GSE1: variants seen among roughly 807,000 people sequenced by gnomAD.
The protein encoded by GSE1 is Gse1 coiled-coil protein, also known as genetic suppressor element 1.
GSE1 carries 32 observed loss-of-function variants against 112.6 expected under a neutral mutation model. The ratio of observed to expected loss-of-function variants is 0.28; its 90% CI spans 0.21 to 0.38. The LOEUF is 0.38. Ranked by LOEUF, GSE1 falls within the 10% of genes least tolerant of loss-of-function variation. GSE1 has a pLI of 1.00. For missense variants in GSE1, 2,348 were observed against 1,699.2 expected, an observed-to-expected ratio of 1.38 and a Z score of -6.71; for synonymous variants, 1,115 against 735.6, an observed-to-expected ratio of 1.52 and a Z score of -8.35.
upstream of GSE1, among the ~76,000 whole-genome samples, chr16:85,551,751 G>A (rs1164729059): frequency 6.6e-6 from 1 of 152,230 alleles, no homozygotes; most frequent in African/African-American, 2.4e-5. Context: ...CTGGGCTATC[G>A]CTAGAATTTT....
intron 1 of GSE1, among the ~76,000 whole-genome samples, chr16:85,561,920 G>A (rs909273599): frequency 6.6e-6 from 1 of 152,218 alleles, no homozygotes; most frequent in African/African-American, 2.4e-5. Flanking sequence ...TGGGGGTGGT[G>A]TCTGGAGGTG....
chr16:85,191,349 A>G (rs2074816739), intron 1 of GSE1, among the ~76,000 whole-genome samples: 1 of 152,186 alleles, frequency 6.6e-6, no homozygotes, highest in Non-Finnish European at 1.5e-5. Context: ...AAAGTGTACA[A>G]TTCAATGTTT....
chr16:85,461,317 T>C (rs2049961002), intron 2 of GSE1, among the ~76,000 whole-genome samples: 1 of 152,194 alleles, frequency 6.6e-6, no homozygotes, highest in African/African-American at 2.4e-5. Context: ...ATCAAAAATG[T>C]CTGCAGACAC....
At chr16:85,422,888 G>A (rs2875942) in intron 2 of GSE1, among the ~76,000 whole-genome samples, 63,664 of 152,002 alleles carry the variant, frequency 0.42, 13,468 homozygotes, top group Admixed American at 0.48. Context: ...GGCTCCAGGG[G>A]TGGGGCCGCA....
chr16:85,553,731 A>G (rs2045054554), upstream of GSE1, among the ~76,000 whole-genome samples: 1 of 152,140 alleles, frequency 6.6e-6, no homozygotes, highest in Admixed American at 6.5e-5. Flanking sequence ...CTGGCGGGGT[A>G]GGCGAGGGTT....
chr16:85,478,905 T>TTG lies in GSE1; in HGVS notation c.2464+121263_2464+121264insGT, dbSNP rs1567520649. On this transcript the variant is annotated intron_variant, in intron 2 of 2. Coordinates refer to the GSE1 transcript ENST00000637419. ...TTTCTTTCTTTCTTTCTTTCTTTCT[T>TTG]TCTTTCTTTCTTTCTTTCTTTCTCT... is the stretch of plus-strand genomic sequence containing the variant. 2.8e-4 allele frequency among the ~76,000 whole-genome samples: 22 copies of TTG among 77,718 alleles called. 1 individual carries two copies. Among genetic ancestry groups the TTG allele is most frequent in the Non-Finnish European group, 1.5e-4 (6 of 40,876 alleles). The allele number at this position is 77,718 out of a possible 152,430, so 51.0% of individuals were successfully genotyped here. A position where few individuals can be genotyped will look rare whatever the true frequency, so the allele number is the denominator to read the frequency against.
Position 85,672,649 on chromosome 16 carries a change from T to G in GSE1, c.*110T>G. 1.3e-6 allele frequency: 1 copy of G among 743,956 alleles called. No individual in the cohort carries two copies. Among genetic ancestry groups the G allele is most frequent in the Non-Finnish European group, 2.0e-6 (1 of 497,982 alleles). 46.1% of individuals were successfully genotyped at this position (743,956 alleles called of 1,614,324 possible). ...AGGTTTGAAGCTTACAAAATGAGAA[T>G]GTGCCATGCATGAAGCAAAGGATTC... On this transcript the variant is annotated 3_prime_UTR_variant, in exon 16 of 16. Transcript: ENST00000253458.
intron 1 of GSE1, among the ~76,000 whole-genome samples, chr16:85,633,207 G>A (rs2049694994): frequency 6.6e-6 from 1 of 152,150 alleles, no homozygotes; most frequent in Non-Finnish European, 1.5e-5. Context: ...GGTCTGCAGT[G>A]CGGCCGTGTT....
chr16:85,240,528 G>A (rs9934148), intron 1 of GSE1, among the ~76,000 whole-genome samples: 11,331 of 152,278 alleles, frequency 0.074, 924 homozygotes, highest in African/African-American at 0.2. Flanking sequence ...AGGAGTCCTG[G>A]CAGGGGCGAG....
chr16:85,362,152 C>A (rs1219516159), intron 2 of GSE1, among the ~76,000 whole-genome samples: 1 of 152,222 alleles, frequency 6.6e-6, no homozygotes, highest in Non-Finnish European at 1.5e-5. Flanking sequence ...CCCAAACGGA[C>A]TGACCAGGCA....
At chr16:85,481,826 G>A (rs2050689486) in intron 2 of GSE1, among the ~76,000 whole-genome samples, 1 of 152,194 alleles carries the variant, frequency 6.6e-6, no homozygotes, top group Non-Finnish European at 1.5e-5. Flanking sequence ...ATGTTTTGGG[G>A]CCCAGAGATG....
chr16:85,424,737 C>T lies in GSE1; in HGVS notation c.2464+67094C>T, dbSNP rs547062838. Reference sequence around the variant, plus strand: ...CACTGACAGGCGCGAGGGCTCCTCACGCCCCGAGTCGCCAGATGCTCTGCG... The same window carrying T: ...CACTGACAGGCGCGAGGGCTCCTCATGCCCCGAGTCGCCAGATGCTCTGCG... On this transcript the variant is annotated intron_variant, in intron 2 of 2. Transcript: ENST00000637419. Among the ~76,000 whole-genome samples the T allele has an allele frequency of 9.2e-5, 14 of 152,358 alleles. No individual in the cohort carries two copies. In the East Asian group the frequency reaches 1.4e-3, roughly 15 times the overall value.
chr16:85,650,908 G>A lies in GSE1; in HGVS notation c.426+2157G>A, dbSNP rs1254853739. 4.6e-5 allele frequency among the ~76,000 whole-genome samples: 7 copies of A among 152,054 alleles called. No homozygotes were observed. In the East Asian group the frequency reaches 1.2e-3, roughly 25 times the overall value. On this transcript the variant is annotated intron_variant, in intron 3 of 15. Transcript: ENST00000253458. ...TCGGGGTCACCCCTCTCTCCCAGGT[G>A]TAGTGGGAGCTGCGAGAGGAGAAAT... is the stretch of plus-strand genomic sequence containing the variant.
intron 2 of GSE1, among the ~76,000 whole-genome samples, chr16:85,378,643 G>A (rs9319464): frequency 0.9 from 136,253 of 152,234 alleles, 62,965 homozygotes; most frequent in East Asian, 1. Flanking sequence ...CATGAGGCAG[G>A]CACAGTTGCT....
intron 2 of GSE1, among the ~76,000 whole-genome samples, chr16:85,508,103 C>T (rs1163204844): frequency 2.6e-5 from 4 of 152,262 alleles, no homozygotes; most frequent in South Asian, 2.1e-4. Context: ...GACTCGATCT[C>T]GGCTCACTGC....
At chr16:85,284,389 T>C (rs2044952257) in intron 1 of GSE1, among the ~76,000 whole-genome samples, 1 of 152,206 alleles carries the variant, frequency 6.6e-6, no homozygotes, top group Non-Finnish European at 1.5e-5. Context: ...TGCTTCCATC[T>C]GCTCGGCGAG....
At chr16:85,271,163 A>T (rs1388650758) in intron 1 of GSE1, among the ~76,000 whole-genome samples, 3 of 151,964 alleles carry the variant, frequency 2.0e-5, no homozygotes, top group African/African-American at 7.3e-5. Context: ...ATTGGTGTAT[A>T]AATATCCCAG....
At chr16:85,617,931 G>T (rs532563832) in intron 1 of GSE1, among the ~76,000 whole-genome samples, 5 of 152,266 alleles carry the variant, frequency 3.3e-5, no homozygotes, top group East Asian at 1.9e-4. Context: ...GCAGGACGGC[G>T]TGGCACCTGT....
At chr16:85,359,618 G>A (rs1259846925) in intron 2 of GSE1, among the ~76,000 whole-genome samples, 2 of 152,228 alleles carry the variant, frequency 1.3e-5, no homozygotes, top group African/African-American at 4.8e-5. Flanking sequence ...GAAGAACCAA[G>A]TCTGCCTTTT....
Sources: gnomAD v4.1 joint callset for allele counts (sites outside exome capture counted in the v4.1 genomes callset) on GRCh38, gnomAD v4.1.1 for gene constraint, MANE v1.5 for transcripts, NCBI Gene and HGNC (gene_info 2026-07-23, HGNC 2026-07-21) for gene names.